CEMIP2: variants seen among roughly 807,000 people sequenced by gnomAD.
CEMIP2 encodes cell surface hyaluronidase CEMIP2.
CEMIP2 carries 79 observed loss-of-function variants against 146.9 expected under a neutral mutation model. The observed-to-expected ratio is 0.54, with a 90% CI of 0.45 to 0.65. The LOEUF (loss-of-function observed/expected upper bound fraction) is 0.65. Ranked by LOEUF, CEMIP2 falls within the 30% of genes least tolerant of loss-of-function variation. The probability of loss-of-function intolerance (pLI) is 0.00; values close to 1 mark genes in which losing one functional copy is unlikely to be tolerated. For synonymous variants in CEMIP2, 601 were observed against 606.3 expected (o/e 0.99, Z 0.13); for missense variants, 1,596 against 1,696.2 (o/e 0.94, Z 1.04).
chr9:71,728,843 T>TGTG (rs747643683), intron 10 of CEMIP2, among the ~76,000 whole-genome samples: 23 of 101,170 alleles, frequency 2.3e-4, no homozygotes, highest in Admixed American at 5.8e-4. Context: ...GTGTGTGTGT[T>TGTG]TTTATTGACA....
At chr9:71,744,050 A>G (rs924959385) in intron 4 of CEMIP2, among the ~76,000 whole-genome samples, 4 of 152,154 alleles carry the variant, frequency 2.6e-5, no homozygotes, top group Non-Finnish European at 4.4e-5. Context: ...TAGACTCAGA[A>G]CTGCGTTAGG....
At chr9:71,756,108 T>C (rs926926468) in intron 1 of CEMIP2, among the ~76,000 whole-genome samples, 2 of 150,840 alleles carry the variant, frequency 1.3e-5, no homozygotes, top group African/African-American at 2.4e-5. Context: ...TCGCAAAAGC[T>C]TACATACAAC....
At chr9:71,720,348 T>TG (rs1823198470) in intron 12 of CEMIP2, among the ~76,000 whole-genome samples, 1 of 152,226 alleles carries the variant, frequency 6.6e-6, no homozygotes, top group Admixed American at 6.5e-5. Flanking sequence ...TAGAGCGCAG[T>TG]GGCATGTTCT....
At chr9:71,694,019 C>T (rs550999722) in intron 21 of CEMIP2, among the ~76,000 whole-genome samples, 8 of 152,320 alleles carry the variant, frequency 5.3e-5, no homozygotes, top group African/African-American at 1.9e-4. Context: ...ACCAGGCTCA[C>T]CAGACACTCA....
intron 16 of CEMIP2, among the ~76,000 whole-genome samples, chr9:71,711,503 A>T (rs536510086): frequency 2.0e-5 from 3 of 152,074 alleles, no homozygotes; most frequent in African/African-American, 7.2e-5. Flanking sequence ...CATCCATCCA[A>T]TTGAGGTTGA....
intron 1 of CEMIP2, among the ~76,000 whole-genome samples, chr9:71,759,533 TG>T (rs1824563095): frequency 6.6e-6 from 1 of 152,088 alleles, no homozygotes; most frequent in African/African-American, 2.4e-5. Context: ...TATGATATCC[TG>T]AGGTTCCAGG....
chr9:71,751,143 C>G (rs1312386807), intron 1 of CEMIP2, among the ~76,000 whole-genome samples: 5 of 152,192 alleles, frequency 3.3e-5, no homozygotes, highest in Admixed American at 6.5e-5. Flanking sequence ...GCGTACAATT[C>G]AATGGCATTA....
intron 5 of CEMIP2, 61 bp from the exon 6 acceptor site, chr9:71,735,055 T>TA (rs1192751652): frequency 1.3e-6 from 2 of 1,520,974 alleles, no homozygotes; most frequent in African/African-American, 2.8e-5. Flanking sequence ...TTTTTCTCTC[T>TA]AAAATGAACC....
chr9:71,690,514 A>T (rs1442563278), intron 21 of CEMIP2, among the ~76,000 whole-genome samples: 2 of 152,220 alleles, frequency 1.3e-5, no homozygotes, highest in South Asian at 2.1e-4. Context: ...CACTCAGCTA[A>T]GCTGGGTGAC....
At chr9:71,766,535 T>C (rs1388310264) in intron 1 of CEMIP2, among the ~76,000 whole-genome samples, 5 of 152,244 alleles carry the variant, frequency 3.3e-5, no homozygotes, top group Admixed American at 3.3e-4. Flanking sequence ...AGGACAGCAT[T>C]GATTAGGCCT....
intron 14 of CEMIP2, among the ~76,000 whole-genome samples, chr9:71,715,928 C>A (rs564266634): frequency 6.6e-6 from 1 of 150,758 alleles, no homozygotes; most frequent in Non-Finnish European, 1.5e-5. Flanking sequence ...GTCCAGCCCT[C>A]ATATGAATTA....
intron 1 of CEMIP2, among the ~76,000 whole-genome samples, chr9:71,764,569 C>T (rs10869058): frequency 0.41 from 62,564 of 151,842 alleles, 15,907 homozygotes; most frequent in Non-Finnish European, 0.57. Flanking sequence ...TCCCTTCAAG[C>T]GACATGCTAA....
chr9:71,736,465 G>T (rs1265745434), intron 5 of CEMIP2, among the ~76,000 whole-genome samples: 3 of 152,202 alleles, frequency 2.0e-5, no homozygotes, highest in Admixed American at 1.3e-4. Flanking sequence ...AGTATGATCT[G>T]CAATGTAACC....
chr9:71,685,909 T>C (rs2131843108), intron 22 of CEMIP2, 63 bp from the exon 23 acceptor site: 1 of 1,176,630 alleles, frequency 8.5e-7, no homozygotes, highest in East Asian at 2.3e-5. Context: ...ATCTTTCTAC[T>C]GAGTATCTTT....
chr9:71,700,540 A>G, intron 19 of CEMIP2, 102 bp downstream of exon 19: 1 of 1,201,556 alleles, frequency 8.3e-7, no homozygotes, highest in East Asian at 2.4e-5. Context: ...AGAATTACCC[A>G]CATCAGCTGC....
At chr9:71,687,737 G>T (rs1238715960) in intron 22 of CEMIP2, among the ~76,000 whole-genome samples, 1 of 152,112 alleles carries the variant, frequency 6.6e-6, no homozygotes, top group Non-Finnish European at 1.5e-5. Context: ...CTGGTGGTGT[G>T]CACGTGTAGT....
At chr9:71,744,743 G>A (rs1425958017) in intron 4 of CEMIP2, among the ~76,000 whole-genome samples, 1 of 151,942 alleles carries the variant, frequency 6.6e-6, no homozygotes, top group Non-Finnish European at 1.5e-5. Context: ...TAAACTGCCT[G>A]ACTGTTTTTC....
chr9:71,750,873 G>T (rs567584980), intron 1 of CEMIP2, among the ~76,000 whole-genome samples: 1 of 151,908 alleles, frequency 6.6e-6, no homozygotes, highest in African/African-American at 2.4e-5. Context: ...GAGCCTCCCG[G>T]GTAGCCAGGA....
In CEMIP2 at chr9:71,745,568, A is replaced by G; in HGVS notation, c.484T>C (p.Phe162Leu). The part of the protein sequence containing the change: ...IVIQDGGLLV[F>L]GDNKDGSRNI... ...CTGGATCCATCTTTATTGTCCCCAA[A>G]TACAAGCAGTCCTGCAGGGAACACC... Residue 162 changes from phenylalanine (F) to leucine (L), a missense_variant, in exon 4 of 24, where the codon TTT becomes CTT. Coordinates refer to ENST00000377044, the MANE Select transcript of CEMIP2 (RefSeq NM_013390.3). The G allele has an allele frequency of 6.2e-7, 1 of 1,604,620 alleles. No individual in the cohort carries two copies. Among genetic ancestry groups the G allele is most frequent in the Non-Finnish European group, 8.5e-7 (1 of 1,176,918 alleles).
Sources: gnomAD v4.1 joint callset for allele counts (sites outside exome capture counted in the v4.1 genomes callset) on GRCh38, gnomAD v4.1.1 for gene constraint, MANE v1.5 for transcripts, NCBI Gene and HGNC (gene_info 2026-07-23, HGNC 2026-07-21) for gene names.